CDH4: variants seen among roughly 807,000 people sequenced by gnomAD.
CDH4 encodes cadherin-4.
Under a neutral mutation model 86.0 loss-of-function variants are expected in CDH4, and 33 were observed. The observed-to-expected ratio is 0.38, with a 90% CI of 0.29 to 0.51. CDH4 has a LOEUF of 0.51. Ranked by LOEUF, CDH4 falls within the 20% of genes least tolerant of loss-of-function variation. The probability of loss-of-function intolerance (pLI) is 0.86; values close to 1 mark genes in which losing one functional copy is unlikely to be tolerated. For missense variants in CDH4, 1,114 were observed against 1,307.4 expected (o/e 0.85, Z 2.28); for synonymous variants, 555 against 549.4 (o/e 1.01, Z -0.14).
intron 15 of CDH4, among the ~76,000 whole-genome samples, chr20:61,936,424 C>G (rs1427981713): frequency 6.8e-5 from 4 of 58,398 alleles, no homozygotes; most frequent in Admixed American, 1.6e-4. Context: ...CCACACCCCC[C>G]CCCCCATCTG....
chr20:61,685,151 T>C (rs2087560409), intron 2 of CDH4, among the ~76,000 whole-genome samples: 1 of 152,240 alleles, frequency 6.6e-6, no homozygotes, highest in Non-Finnish European at 1.5e-5. Flanking sequence ...ATGTGTCTAG[T>C]CTGGGTATTT....
Position 61,516,988 on chromosome 20 carries a change from C to A in CDH4, c.170-226575C>A, listed in dbSNP as rs1465254828. Among the ~76,000 whole-genome samples the A allele has an allele frequency of 1.3e-5, 2 of 152,158 alleles. No homozygotes were observed. The highest frequency in any genetic ancestry group is 2.9e-5 in the Non-Finnish European group (2 of 68,036). On this transcript the variant is annotated intron_variant, in intron 2 of 15. Transcript: ENST00000614565. The surrounding 1 kb of genome is among the most constrained non-coding windows in gnomAD (Gnocchi z 4.0). ...GATGTCATGCACGCCCTGAAAAATG[C>A]AGGCATGATTAGTACCCAACCAGAC...
chr20:61,809,111 T>C (rs571975622), intron 4 of CDH4, among the ~76,000 whole-genome samples: 1 of 152,376 alleles, frequency 6.6e-6, no homozygotes, highest in African/African-American at 2.4e-5. Flanking sequence ...AGGGGTCCTC[T>C]GGACCCAGAC....
At chr20:61,562,250 G>A (rs199826382) in intron 2 of CDH4, among the ~76,000 whole-genome samples, 3 of 38,862 alleles carry the variant, frequency 7.7e-5, no homozygotes, top group African/African-American at 5.5e-4. Context: ...CAGGGCTCCC[G>A]GAGAGAGAGG....
chr20:61,413,058 G>A (rs1004459669), intron 2 of CDH4, among the ~76,000 whole-genome samples: 13 of 152,116 alleles, frequency 8.5e-5, no homozygotes, highest in African/African-American at 2.7e-4. Context: ...CTTGGTGTGG[G>A]GGGCCACCTC....
At chr20:61,383,947 C>T (rs892429195) in intron 2 of CDH4, among the ~76,000 whole-genome samples, 1 of 151,820 alleles carries the variant, frequency 6.6e-6, no homozygotes, top group Non-Finnish European at 1.5e-5. Context: ...AGGCCATCTG[C>T]AGGCTGAGAA....
intron 2 of CDH4, among the ~76,000 whole-genome samples, chr20:61,426,419 G>A (rs1371197548): frequency 1.3e-5 from 2 of 152,224 alleles, no homozygotes; most frequent in East Asian, 3.8e-4. Flanking sequence ...AGGACATCAT[G>A]TGGGTGGAGG....
chr20:61,302,291 C>T (rs2084390034), intron 2 of CDH4, among the ~76,000 whole-genome samples: 1 of 152,238 alleles, frequency 6.6e-6, no homozygotes, highest in African/African-American at 2.4e-5. Flanking sequence ...CCTGTGTGTG[C>T]AGTCCGTATC....
rs369382279 is a variant in CDH4 at position 61,752,436 on chromosome 20, CTTGATGGGA to C, written c.396+8648_396+8656del. 3.7e-3 allele frequency among the ~76,000 whole-genome samples: 558 copies of C among 151,884 alleles called. 2 individuals are homozygous for C. Among genetic ancestry groups the C allele is most frequent in the African/African-American group, 0.013 (529 of 41,400 alleles). On this transcript the variant is annotated intron_variant, in intron 3 of 15. Transcript: ENST00000614565. ...AGGACATTTGCAGCACTCGTATACT[CTTGATGGGA>C]GTGTACAATGGTACAAACACTTTAG...
At chr20:61,791,779 C>T (rs2146017189) in intron 4 of CDH4, among the ~76,000 whole-genome samples, 1 of 152,278 alleles carries the variant, frequency 6.6e-6, no homozygotes, top group South Asian at 2.1e-4. Flanking sequence ...TGGCAAGGAG[C>T]CGGCTGTGCA....
intron 2 of CDH4, among the ~76,000 whole-genome samples, chr20:61,421,925 G>A (rs1375987293): frequency 2.0e-5 from 3 of 152,138 alleles, no homozygotes; most frequent in Non-Finnish European, 4.4e-5. Context: ...CCGCAGCCTG[G>A]AGACCTTCCT....
chr20:61,282,273 C>A (rs1306406530), intron 2 of CDH4, among the ~76,000 whole-genome samples: 3 of 152,184 alleles, frequency 2.0e-5, no homozygotes, highest in African/African-American at 7.2e-5. Flanking sequence ...GCAGGAGAAT[C>A]ATTTGAACCT....
At chr20:61,447,593 T>C (rs1337142482) in intron 2 of CDH4, among the ~76,000 whole-genome samples, 1 of 150,482 alleles carries the variant, frequency 6.6e-6, no homozygotes, top group Non-Finnish European at 1.5e-5. Flanking sequence ...CCCACTCAGA[T>C]CCATTTTCTC....
At chr20:61,498,297 GTTGATTTTCCAGTTAA>G (rs1423594569) in intron 2 of CDH4, among the ~76,000 whole-genome samples, 1 of 152,166 alleles carries the variant, frequency 6.6e-6, no homozygotes, top group Non-Finnish European at 1.5e-5. Context: ...CGGTTGGCCG[GTTGATTTTCCAGTTAA>G]TTGAAAAAGG....
chr20:61,668,663 C>A (rs1600857289), intron 2 of CDH4, among the ~76,000 whole-genome samples: 1 of 152,202 alleles, frequency 6.6e-6, no homozygotes, highest in Non-Finnish European at 1.5e-5. Context: ...ATGGCACACC[C>A]AAGGTTAAGC....
At chr20:61,591,856 A>T (rs2086521463) in intron 2 of CDH4, among the ~76,000 whole-genome samples, 1 of 152,206 alleles carries the variant, frequency 6.6e-6, no homozygotes, top group African/African-American at 2.4e-5. Flanking sequence ...CACCAGCCTC[A>T]TCAGAAAAGT....
chr20:61,500,039 A>G (rs998618898), intron 2 of CDH4, among the ~76,000 whole-genome samples: 10 of 152,184 alleles, frequency 6.6e-5, no homozygotes, highest in African/African-American at 2.4e-4. Context: ...TCTTGTTGCT[A>G]TGACAACAGC....
intron 2 of CDH4, among the ~76,000 whole-genome samples, chr20:61,699,228 G>T (rs2087747044): frequency 6.6e-6 from 1 of 152,212 alleles, no homozygotes; most frequent in Non-Finnish European, 1.5e-5. Context: ...TTCGGTAAAG[G>T]TCACGGTGGC....
rs188872568 is a variant in CDH4, at chr20:61,264,627, A to G, written c.169+9690A>G. ...CTTCATTCAGTCCTACACATATCTC[A>G]GTGGTTCCTTCATTCAATCTTACAC... On this transcript the variant is annotated intron_variant, in intron 2 of 15. Transcript: ENST00000614565. Among the ~76,000 whole-genome samples, 10 of 149,036 alleles carry G rather than the reference A, an allele frequency of 6.7e-5. No individual in the cohort carries two copies. In the East Asian group the frequency reaches 1.7e-3, roughly 25 times the overall value.
Sources: gnomAD v4.1 joint callset for allele counts (sites outside exome capture counted in the v4.1 genomes callset) on GRCh38, gnomAD v4.1.1 for gene constraint, Gnocchi (gnomAD v3.1) non-coding constraint, MANE v1.5 for transcripts, NCBI Gene and HGNC (gene_info 2026-07-23, HGNC 2026-07-21) for gene names.